GPR107: variants seen among roughly 807,000 people sequenced by gnomAD.
GPR107 encodes protein GPR107.
In GPR107, 31 loss-of-function variants were observed where a neutral mutation model predicts 75.5. That is an observed-to-expected ratio of 0.41 (90% CI 0.31 to 0.55). GPR107 has a LOEUF of 0.55. GPR107 is among the 20% of genes least tolerant of loss of function. The pLI is 0.26. For synonymous variants in GPR107, 267 were observed against 251.3 expected (o/e 1.06, Z -0.59); for missense variants, 572 against 665.7 (o/e 0.86, Z 1.55).
intron 6 of GPR107, among the ~76,000 whole-genome samples, chr9:130,084,538 G>T (rs1291865893): frequency 6.6e-6 from 1 of 152,154 alleles, no homozygotes. Flanking sequence ...AGCACTGTGG[G>T]AGGCTGAGGT....
intron 14 of GPR107, among the ~76,000 whole-genome samples, chr9:130,115,145 G>A (rs1831391266): frequency 1.3e-5 from 2 of 152,144 alleles, no homozygotes; most frequent in African/African-American, 2.4e-5. Flanking sequence ...TCCCTTTGGG[G>A]AATAATAGAC....
At chr9:130,094,873 C>T (rs1038112011) in intron 9 of GPR107, among the ~76,000 whole-genome samples, 3 of 151,934 alleles carry the variant, frequency 2.0e-5, no homozygotes, top group African/African-American at 4.8e-5. Flanking sequence ...TAGAGACTGG[C>T]TTTTGCCATG....
At chr9:130,084,302 G>T (rs1465088367) in intron 6 of GPR107, among the ~76,000 whole-genome samples, 1 of 151,648 alleles carries the variant, frequency 6.6e-6, no homozygotes, top group Non-Finnish European at 1.5e-5. Context: ...GGAGGCTGAG[G>T]CAGGAGAATC....
chr9:130,107,637 G>T (rs1831192102), intron 14 of GPR107, 98 bp downstream of exon 14: 2 of 847,278 alleles, frequency 2.4e-6, no homozygotes, highest in Non-Finnish European at 4.1e-6. Context: ...GTGTCAAGAT[G>T]CTGTCTTCCT....
intron 1 of GPR107, among the ~76,000 whole-genome samples, chr9:130,061,914 C>T (rs1304017915): frequency 6.6e-6 from 1 of 151,690 alleles, no homozygotes; most frequent in Admixed American, 6.6e-5. Context: ...CACTGCACTC[C>T]AGCCTGGGTG....
At chr9:130,062,608 GCCTGCCTGCCTGCCTTCCTGCCTT>G (rs1167091779) in intron 1 of GPR107, among the ~76,000 whole-genome samples, 14 of 121,360 alleles carry the variant, frequency 1.2e-4, no homozygotes, top group African/African-American at 4.9e-4. Context: ...TCGCCTGCCT[GCCTGCCTGCCTGCCTTCCTGCCTT>G]CCTGCCTGCC....
Position 130,075,755 on chromosome 9 carries a change from T to G in GPR107, c.255+6T>G. ...CTGAAGACAAGGATGTGACTGTAAG[T>G]ACCTTTTAATGAGATCCAGGGGTTT... On this transcript the variant is annotated splice_donor_region_variant and intron_variant, in intron 2 of 17. Transcript: ENST00000347136. 1 of 1,295,860 alleles carries G rather than the reference T, an allele frequency of 7.7e-7. No individual in the cohort carries two copies. The highest frequency in any genetic ancestry group is 1.1e-6 in the Non-Finnish European group (1 of 890,514). The allele number at this position is 1,295,860 out of a possible 1,614,324, so 80.3% of individuals were successfully genotyped here.
intron 6 of GPR107, among the ~76,000 whole-genome samples, chr9:130,084,960 C>T (rs1215085304): frequency 1.3e-5 from 2 of 151,986 alleles, no homozygotes; most frequent in African/African-American, 2.4e-5. Flanking sequence ...AGGAAGAATG[C>T]CATACGCAAA....
At chr9:130,114,029 C>CTTTTTTTTTTTTTTTTTTTT (rs60616601) in intron 14 of GPR107, among the ~76,000 whole-genome samples, 19 of 90,660 alleles carry the variant, frequency 2.1e-4, no homozygotes, top group Non-Finnish European at 2.9e-4. Flanking sequence ...TCTTCTCATT[C>CTTTTTTTTTTTTTTTTTTTT]TTTTTTTTTT....
intron 6 of GPR107, 95 bp downstream of exon 6, chr9:130,083,697 C>A: frequency 1.5e-6 from 1 of 656,520 alleles, no homozygotes. Flanking sequence ...GATATATATA[C>A]ATACATGCAT....
chr9:130,134,943 C>A, intron 17 of GPR107, 82 bp from the exon 18 acceptor site: 1 of 794,658 alleles, frequency 1.3e-6, no homozygotes, highest in Non-Finnish European at 2.2e-6. Flanking sequence ...ATCATCAGTC[C>A]TAATCACCGT....
chr9:130,134,660 C>G (rs1831905616), intron 17 of GPR107, among the ~76,000 whole-genome samples: 1 of 152,228 alleles, frequency 6.6e-6, no homozygotes, highest in East Asian at 1.9e-4. Flanking sequence ...CATTAAGAGT[C>G]AGATTTCAGT....
At chr9:130,078,121 C>T (rs1216131716) in intron 4 of GPR107, among the ~76,000 whole-genome samples, 9 of 151,232 alleles carry the variant, frequency 6.0e-5, no homozygotes, top group African/African-American at 4.9e-5. Context: ...GCCGAGATCG[C>T]GCCACTGCAC....
At chr9:130,074,631 AGGATTAT>A (rs1830296119) in intron 1 of GPR107, among the ~76,000 whole-genome samples, 1 of 152,116 alleles carries the variant, frequency 6.6e-6, no homozygotes, top group African/African-American at 2.4e-5. Context: ...ACCAAACCTT[AGGATTAT>A]CTTGTATCCA....
At chr9:130,083,291 T>C in intron 5 of GPR107, 1 of 261,026 alleles carries the variant, frequency 3.8e-6, no homozygotes, top group African/African-American at 2.2e-5. Flanking sequence ...GTGGCCTCTC[T>C]GGCAATAACA....
intron 9 of GPR107, among the ~76,000 whole-genome samples, chr9:130,096,875 C>T (rs1210411236): frequency 1.3e-5 from 2 of 152,182 alleles, no homozygotes; most frequent in Non-Finnish European, 2.9e-5. Context: ...TCAGTATTAT[C>T]CTTTCTGCGA....
chr9:130,130,515 AG>A, intron 17 of GPR107, among the ~76,000 whole-genome samples: 1 of 152,320 alleles, frequency 6.6e-6, no homozygotes, highest in Admixed American at 6.5e-5. Flanking sequence ...GGGGACTAAT[AG>A]ACTTGTCTCT....
At position 130,139,295 on chromosome 9, in the gene GPR107, C is replaced by T. The variant is rs996285766; in HGVS notation, c.*4174C>T. 2 of 152,244 alleles carry T rather than the reference C, an allele frequency of 1.3e-5. No individual in the cohort carries two copies. The highest frequency in any genetic ancestry group is 2.4e-5 in the African/African-American group (1 of 41,452). 9.4% of individuals were successfully genotyped at this position (152,244 alleles called of 1,614,324 possible). ...AATGTTCTGAAAGACCCGCTCTTCA[C>T]TCCAGTTTTCCCTAGGGTGTTTCTG... On this transcript the variant is annotated 3_prime_UTR_variant, in exon 18 of 18. Coordinates refer to ENST00000347136, the MANE Select transcript of GPR107 (RefSeq NM_020960.5).
chr9:130,120,149 T>C (rs1831515859), intron 14 of GPR107, among the ~76,000 whole-genome samples: 2 of 152,226 alleles, frequency 1.3e-5, no homozygotes, highest in African/African-American at 4.8e-5. Context: ...ACTACATTTC[T>C]CAAAGACAGC....
Sources: allele counts gnomAD v4.1 joint callset (sites outside exome capture counted in the v4.1 genomes callset), GRCh38; gene constraint gnomAD v4.1.1; transcripts MANE v1.5; gene names NCBI Gene and HGNC (gene_info 2026-07-23, HGNC 2026-07-21).